Variants in HS3ST5 observed in about 807,000 individuals in gnomAD.
The protein encoded by HS3ST5 is heparan sulfate glucosamine 3-O-sulfotransferase 5.
Under a neutral mutation model 25.4 loss-of-function variants are expected in HS3ST5, and 10 were observed. That is an observed-to-expected ratio of 0.39 (90% CI 0.24 to 0.67). The LOEUF (loss-of-function observed/expected upper bound fraction) is 0.67. HS3ST5 is among the 30% of genes least tolerant of loss of function. The pLI, the probability that HS3ST5 is intolerant of heterozygous loss-of-function variation, is 0.44. For missense variants in HS3ST5, 324 were observed against 420.7 expected (o/e 0.77, Z 2.01); for synonymous variants, 170 against 162.4 (o/e 1.05, Z -0.36).
At chr6:114,072,223 CA>C (rs1392939812) in intron 3 of HS3ST5, among the ~76,000 whole-genome samples, 1 of 151,998 alleles carries the variant, frequency 6.6e-6, no homozygotes, top group Non-Finnish European at 1.5e-5. Context: ...AAACCTTTGG[CA>C]AAGTGGTGAC....
At chr6:114,294,238 A>G (rs886609563) in intron 1 of HS3ST5, among the ~76,000 whole-genome samples, 25 of 152,208 alleles carry the variant, frequency 1.6e-4, no homozygotes, top group African/African-American at 6.0e-4. Context: ...AACCTGCGGA[A>G]TTAGTGTTCA....
At chr6:114,094,595 A>C (rs1035539195) in intron 3 of HS3ST5, among the ~76,000 whole-genome samples, 4 of 152,222 alleles carry the variant, frequency 2.6e-5, no homozygotes, top group Admixed American at 2.6e-4. Flanking sequence ...CCTATATAAT[A>C]ACGATCCAAG....
rs1268320022 is a variant in HS3ST5 at position 114,308,412 on chromosome 6, C to T, written c.-339+33783G>A. Among the ~76,000 whole-genome samples the T allele has an allele frequency of 2.6e-5, 4 of 152,040 alleles. No homozygotes were observed. The East Asian group carries it at 5.8e-4, about 22-fold the overall frequency. ...CGTCATGGCTAACACAGTGAAACCC[C>T]GTCTCTACTAAGAAATACAGGAAAA... On this transcript the variant is annotated intron_variant, in intron 1 of 4. Coordinates refer to ENST00000312719, the MANE Select transcript of HS3ST5 (RefSeq NM_153612.4).
chr6:114,192,750 T>C (rs1780562068), intron 2 of HS3ST5, among the ~76,000 whole-genome samples: 1 of 152,126 alleles, frequency 6.6e-6, no homozygotes, highest in South Asian at 2.1e-4. Context: ...TGGGGAAAAT[T>C]GGTCCCAGAG....
intron 1 of HS3ST5, among the ~76,000 whole-genome samples, chr6:114,310,257 GC>G (rs1775472658): frequency 6.6e-6 from 1 of 152,204 alleles, no homozygotes; most frequent in Non-Finnish European, 1.5e-5. Context: ...TTGCACAATA[GC>G]TACTCAATAA....
chr6:114,222,513 C>T (rs938010423), intron 2 of HS3ST5, among the ~76,000 whole-genome samples: 1 of 151,886 alleles, frequency 6.6e-6, no homozygotes, highest in African/African-American at 2.4e-5. Flanking sequence ...AGAACACTCA[C>T]ATCAAGCCAC....
intron 3 of HS3ST5, among the ~76,000 whole-genome samples, chr6:114,066,900 G>C (rs1029894016): frequency 6.6e-6 from 1 of 151,914 alleles, no homozygotes; most frequent in Non-Finnish European, 1.5e-5. Flanking sequence ...ATCTATTTTT[G>C]GTTGTTCACT....
intron 2 of HS3ST5, among the ~76,000 whole-genome samples, chr6:114,201,976 A>G (rs1781035469): frequency 6.6e-6 from 1 of 152,054 alleles, no homozygotes; most frequent in African/African-American, 2.4e-5. Flanking sequence ...CCATGATTCA[A>G]TTACCTCCCA....
chr6:114,269,590 G>A (rs1310771865), intron 1 of HS3ST5, among the ~76,000 whole-genome samples: 1 of 152,110 alleles, frequency 6.6e-6, no homozygotes, highest in Non-Finnish European at 1.5e-5. Context: ...GGCATCATAA[G>A]CTCATTCCCA....
At chr6:114,280,130 T>C (rs1245429083) in intron 1 of HS3ST5, among the ~76,000 whole-genome samples, 3 of 149,166 alleles carry the variant, frequency 2.0e-5, no homozygotes, top group Admixed American at 6.7e-5. Context: ...TAAAGATGTG[T>C]GAGAGAGTGG....
chr6:114,151,355 C>T lies in HS3ST5; in HGVS notation c.-33+16996G>A, dbSNP rs139877214. Among the ~76,000 whole-genome samples the T allele has an allele frequency of 2.7e-3, 408 of 152,228 alleles. 1 individual carries two copies. The highest frequency in any genetic ancestry group is 9.2e-3 in the African/African-American group (380 of 41,522). ...TTCAGCAGGTGTTTGATTATTTATC[C>T]AGCAAAGGGGAAGGTGAGCTGGGAT... On this transcript the variant is annotated intron_variant, in intron 3 of 4. Coordinates refer to ENST00000312719, the MANE Select transcript of HS3ST5 (RefSeq NM_153612.4).
chr6:114,311,772 A>G (rs192079306), intron 1 of HS3ST5, among the ~76,000 whole-genome samples: 224 of 152,172 alleles, frequency 1.5e-3, no homozygotes, highest in Non-Finnish European at 2.2e-3. Flanking sequence ...TGAACTCCTG[A>G]CCTCAAGTGA....
intron 1 of HS3ST5, among the ~76,000 whole-genome samples, chr6:114,300,417 G>A (rs971305666): frequency 9.2e-5 from 14 of 152,164 alleles, no homozygotes; most frequent in African/African-American, 3.4e-4. Context: ...AACATCATTA[G>A]TAATTAGGGA....
In HS3ST5 at chr6:114,061,516, C is replaced by A. The variant is rs192910899; in HGVS notation, c.107+1223G>T. ...TTCTAAATAATCTAAGTGATAAGGT[C>A]TACAGATTAGCTTAAATTTTGGAAG... On this transcript the variant is annotated intron_variant, in intron 4 of 4. Coordinates refer to ENST00000312719, the MANE Select transcript of HS3ST5 (RefSeq NM_153612.4). Among the ~76,000 whole-genome samples the A allele has an allele frequency of 2.0e-5, 3 of 152,194 alleles. No individual in the cohort carries two copies. In the East Asian group the frequency reaches 5.8e-4, roughly 29 times the overall value.
intron 1 of HS3ST5, among the ~76,000 whole-genome samples, chr6:114,238,466 G>T (rs1244667255): frequency 6.6e-6 from 1 of 152,142 alleles, no homozygotes; most frequent in Admixed American, 6.5e-5. Flanking sequence ...AATATTTTTT[G>T]TGTGTCTTTA....
chr6:114,084,677 G>T (rs1582581808), intron 3 of HS3ST5: 1 of 1,243,218 alleles, frequency 8.0e-7, no homozygotes, highest in Non-Finnish European at 1.2e-6. Context: ...CCTGGGGTCA[G>T]TAACCACAAG....
intron 1 of HS3ST5, among the ~76,000 whole-genome samples, chr6:114,271,318 C>A (rs917018884): frequency 6.6e-6 from 1 of 152,016 alleles, no homozygotes; most frequent in African/African-American, 2.4e-5. Flanking sequence ...CTAATCTCTA[C>A]CAATTCCTGT....
At chr6:114,319,228 C>A (rs1012137231) in intron 1 of HS3ST5, among the ~76,000 whole-genome samples, 1 of 152,226 alleles carries the variant, frequency 6.6e-6, no homozygotes, top group Non-Finnish European at 1.5e-5. Flanking sequence ...TAATACATTT[C>A]TTTTGCATTA....
intron 3 of HS3ST5, among the ~76,000 whole-genome samples, chr6:114,126,463 A>G (rs1181175952): frequency 6.6e-6 from 1 of 152,200 alleles, no homozygotes; most frequent in Admixed American, 6.5e-5. Flanking sequence ...ATTTGAGATT[A>G]AGAAACAGGA....
Sources: gnomAD v4.1 joint callset for allele counts (sites outside exome capture counted in the v4.1 genomes callset) on GRCh38, gnomAD v4.1.1 for gene constraint, MANE v1.5 for transcripts, NCBI Gene and HGNC (gene_info 2026-07-23, HGNC 2026-07-21) for gene names.